Variants in TNNI3K observed in about 807,000 individuals in gnomAD.
TNNI3K encodes the protein TNNI3 interacting kinase.
A neutral mutation model predicts 114.5 loss-of-function variants in TNNI3K; 140 were observed. The observed-to-expected ratio is 1.22, with a 90% CI of 1.07 to 1.41. The LOEUF (loss-of-function observed/expected upper bound fraction) is 1.41. TNNI3K is among the 40% of genes most tolerant of loss of function. TNNI3K has a pLI of 0.00. For missense variants in TNNI3K, 1,125 were observed against 1,007.6 expected, an observed-to-expected ratio of 1.12 and a Z score of -1.58; for synonymous variants, 347 against 347.5, an observed-to-expected ratio of 1.00 and a Z score of 0.02.
chr1:74,298,897 A>G (rs1282857828), intron 5 of TNNI3K, among the ~76,000 whole-genome samples: 2 of 152,138 alleles, frequency 1.3e-5, no homozygotes, highest in East Asian at 3.8e-4. Context: ...AGTGCCATAA[A>G]TAAGATACCA....
intron 9 of TNNI3K, among the ~76,000 whole-genome samples, chr1:74,351,560 G>C (rs1253863601): frequency 6.6e-6 from 1 of 152,156 alleles, no homozygotes; most frequent in Non-Finnish European, 1.5e-5. Flanking sequence ...CCTGCAGAGT[G>C]TTTTCCAACT....
At chr1:74,270,848 C>G (rs1031223180) in intron 4 of TNNI3K, among the ~76,000 whole-genome samples, 1 of 151,186 alleles carries the variant, frequency 6.6e-6, no homozygotes, top group Non-Finnish European at 1.5e-5. Flanking sequence ...TATTGAATTT[C>G]AAAATAAAAA....
intron 9 of TNNI3K, among the ~76,000 whole-genome samples, chr1:74,351,530 G>A (rs1661340376): frequency 6.6e-6 from 1 of 152,146 alleles, no homozygotes; most frequent in Non-Finnish European, 1.5e-5. Flanking sequence ...CTAGATTGGG[G>A]AAGTTCTCCT....
chr1:74,492,111 A>G lies in TNNI3K; in HGVS notation c.2196A>G (p.Ala732=), dbSNP rs2100304469. 1 of 1,607,120 alleles carries G rather than the reference A, an allele frequency of 6.2e-7. No homozygotes were observed. Among genetic ancestry groups the G allele is most frequent in the South Asian group, 1.1e-5 (1 of 90,190 alleles). Residue 732 remains alanine, a synonymous_variant, in exon 23 of 25, where the codon GCA becomes GCG. Coordinates refer to ENST00000326637, the MANE Select transcript of TNNI3K (RefSeq NM_015978.3). The stretch of plus-strand genomic sequence containing the variant: ...CCTCCACTCAGCTGATGTCTCCTGC[A>G]TCAAGTAACAGCAGTGGGTCTCTCT... The part of the protein sequence containing the change: ...CLCNIELMSP[A]SSNSSGSLSP...
At chr1:74,440,783 T>G (rs1666344984) in intron 20 of TNNI3K, among the ~76,000 whole-genome samples, 1 of 152,170 alleles carries the variant, frequency 6.6e-6, no homozygotes, top group Admixed American at 6.5e-5. Flanking sequence ...TGTACCAACA[T>G]TGCCATTTGT....
At chr1:74,521,044 G>A (rs1336308971) in intron 23 of TNNI3K, among the ~76,000 whole-genome samples, 1 of 152,148 alleles carries the variant, frequency 6.6e-6, no homozygotes, top group African/African-American at 2.4e-5. Flanking sequence ...GCCCTGACTG[G>A]ACAGAGTGTT....
At chr1:74,271,577 T>G (rs1187829049) in intron 4 of TNNI3K, 21 bp from the exon 5 acceptor site, 2 of 1,578,576 alleles carry the variant, frequency 1.3e-6, no homozygotes, top group Admixed American at 1.8e-5. Context: ...AAAGTAACAC[T>G]AAAGATATGT....
At chr1:74,305,012 T>G (rs1377987159) in intron 5 of TNNI3K, among the ~76,000 whole-genome samples, 2 of 152,188 alleles carry the variant, frequency 1.3e-5, no homozygotes, top group Non-Finnish European at 2.9e-5. Context: ...CCTATTTTAG[T>G]TATTAATTAT....
chr1:74,246,073 C>T (rs187734177), intron 2 of TNNI3K, among the ~76,000 whole-genome samples: 35 of 152,318 alleles, frequency 2.3e-4, no homozygotes, highest in African/African-American at 8.4e-4. Context: ...TCAAAAAATA[C>T]TGCAATCAAA....
chr1:74,389,976 G>A (rs1663680321), intron 17 of TNNI3K, among the ~76,000 whole-genome samples: 1 of 152,124 alleles, frequency 6.6e-6, no homozygotes, highest in African/African-American at 2.4e-5. Context: ...AAAAGTATCA[G>A]TTACCTTAAA....
chr1:74,361,348 A>G (rs182321737), intron 11 of TNNI3K, among the ~76,000 whole-genome samples: 2 of 152,184 alleles, frequency 1.3e-5, no homozygotes, highest in Admixed American at 1.3e-4. Flanking sequence ...ACCATTATAC[A>G]CATTCACATC....
chr1:74,450,442 A>G (rs1355469832), intron 20 of TNNI3K, among the ~76,000 whole-genome samples: 3 of 152,198 alleles, frequency 2.0e-5, no homozygotes, highest in African/African-American at 7.2e-5. Context: ...TGCACAGCAA[A>G]AGAAGCTATC....
chr1:74,387,843 T>C, intron 17 of TNNI3K, among the ~76,000 whole-genome samples: 1 of 152,246 alleles, frequency 6.6e-6, no homozygotes, highest in East Asian at 1.9e-4. Flanking sequence ...TAGCAGTGTC[T>C]GGCACATAGT....
At chr1:74,495,042 C>G (rs1669257854) in intron 23 of TNNI3K, among the ~76,000 whole-genome samples, 1 of 152,156 alleles carries the variant, frequency 6.6e-6, no homozygotes, top group Non-Finnish European at 1.5e-5. Context: ...TTCAAAAAAC[C>G]TACATGCTGG....
At chr1:74,417,035 T>A (rs996670135) in intron 17 of TNNI3K, among the ~76,000 whole-genome samples, 1 of 152,110 alleles carries the variant, frequency 6.6e-6, no homozygotes, top group African/African-American at 2.4e-5. Context: ...GTTTAAAAGA[T>A]ATCTCTGTTA....
At chr1:74,433,063 C>A (rs919206772) in intron 17 of TNNI3K, among the ~76,000 whole-genome samples, 1 of 152,090 alleles carries the variant, frequency 6.6e-6, no homozygotes, top group Non-Finnish European at 1.5e-5. Flanking sequence ...ACTCCCTTCT[C>A]TCTGCACTGC....
chr1:74,515,793 AGG>A (rs1646340445), intron 23 of TNNI3K, among the ~76,000 whole-genome samples: 1 of 152,178 alleles, frequency 6.6e-6, no homozygotes, highest in African/African-American at 2.4e-5. Flanking sequence ...GGGAAATCTG[AGG>A]TTTTTCTCTT....
At chr1:74,421,943 G>C (rs1279022872) in intron 17 of TNNI3K, among the ~76,000 whole-genome samples, 2 of 135,320 alleles carry the variant, frequency 1.5e-5, no homozygotes, top group African/African-American at 5.2e-5. Context: ...AAGAGCCCTG[G>C]ATTGCTTTTA....
At position 74,353,503 on chromosome 1, in the gene TNNI3K, A is replaced by T. The variant is rs890640956; in HGVS notation, c.1027+143A>T. On this transcript the variant is annotated intron_variant, in intron 10 of 24. Coordinates refer to ENST00000326637, the MANE Select transcript of TNNI3K (RefSeq NM_015978.3). ...TATCAACTGCCAGCATTTAGAATTG[A>T]TAATGACTGATAATAATAAAAAGCA... is the stretch of plus-strand genomic sequence containing the variant. The T allele has an allele frequency of 1.9e-5, 16 of 862,120 alleles. No individual in the cohort carries two copies. In the East Asian group the frequency reaches 1.9e-4, roughly 10 times the overall value. 53.4% of individuals were successfully genotyped at this position (862,120 alleles called of 1,614,324 possible).
Sources: gnomAD v4.1 joint callset for allele counts (sites outside exome capture counted in the v4.1 genomes callset) on GRCh38, gnomAD v4.1.1 for gene constraint, MANE v1.5 for transcripts, NCBI Gene and HGNC (gene_info 2026-07-23, HGNC 2026-07-21) for gene names.